Variants in GOLIM4 observed in about 807,000 individuals in gnomAD.
GOLIM4 encodes the protein golgi integral membrane protein 4.
A neutral mutation model predicts 107.4 loss-of-function variants in GOLIM4; 71 were observed. The ratio of observed to expected loss-of-function variants is 0.66; its 90% CI spans 0.55 to 0.81. The LOEUF is 0.81. Ranked by LOEUF, GOLIM4 falls within the 30% of genes least tolerant of loss-of-function variation. GOLIM4 has a pLI of 0.00. For missense variants in GOLIM4, 830 were observed against 826.1 expected (o/e 1.00, Z -0.06); for synonymous variants, 327 against 294.8 (o/e 1.11, Z -1.12).
rs1179093447 is a variant in GOLIM4 at position 168,009,564 on chromosome 3, C to T, written c.*705G>A. 1 of 152,038 alleles carries T rather than the reference C, an allele frequency of 6.6e-6. No homozygotes were observed. Among genetic ancestry groups the T allele is most frequent in the Non-Finnish European group, 1.5e-5 (1 of 68,008 alleles). 9.4% of individuals were successfully genotyped at this position (152,038 alleles called of 1,614,324 possible). A position where few individuals can be genotyped will look rare whatever the true frequency, so the allele number is the denominator to read the frequency against. On this transcript the variant is annotated 3_prime_UTR_variant, in exon 16 of 16. Transcript: ENST00000470487. The stretch of plus-strand genomic sequence containing the variant: ...GATGTGTCCATACCTTGTTTGAACA[C>T]TGCAATACCTGATTAAGACCAGGAT...
intron 1 of GOLIM4, among the ~76,000 whole-genome samples, chr3:168,087,668 G>A (rs1211768535): frequency 3.3e-5 from 5 of 152,126 alleles, no homozygotes; most frequent in Non-Finnish European, 7.3e-5. Context: ...ATACTGTCAT[G>A]AGAGACACTA....
intron 1 of GOLIM4, among the ~76,000 whole-genome samples, chr3:168,052,713 A>G (rs149519134): frequency 4.6e-5 from 7 of 152,212 alleles, no homozygotes; most frequent in Admixed American, 1.3e-4. Context: ...TTATCTAGCT[A>G]GGTTTACTGT....
Position 168,043,176 on chromosome 3 carries a change from C to T in GOLIM4, c.517+203G>A, listed in dbSNP as rs1231972049. On this transcript the variant is annotated intron_variant, in intron 5 of 15. Transcript: ENST00000470487. ...GAATACACTACGATACAACAGAACA[C>T]ACGACATATTCTATTCTGCTTCCCT... Among the ~76,000 whole-genome samples the T allele has an allele frequency of 3.3e-5, 5 of 152,146 alleles. No individual in the cohort carries two copies. The East Asian group carries it at 9.6e-4, about 29-fold the overall frequency.
intron 1 of GOLIM4, among the ~76,000 whole-genome samples, chr3:168,058,832 T>A (rs1720112969): frequency 6.6e-6 from 1 of 152,160 alleles, no homozygotes; most frequent in African/African-American, 2.4e-5. Context: ...ACTTAAGGAC[T>A]CACAGTAATA....
chr3:168,054,929 G>T (rs906347103), intron 1 of GOLIM4, among the ~76,000 whole-genome samples: 3 of 152,084 alleles, frequency 2.0e-5, no homozygotes, highest in African/African-American at 7.2e-5. Flanking sequence ...TTTTAAAAAG[G>T]GGAGTTTCCC....
chr3:168,059,741 AGG>A (rs1374590958), intron 1 of GOLIM4, among the ~76,000 whole-genome samples: 1 of 152,220 alleles, frequency 6.6e-6, no homozygotes, highest in Non-Finnish European at 1.5e-5. Flanking sequence ...AAGAGACTGG[AGG>A]CGTGGGGAGA....
At chr3:168,050,962 G>T (rs1271495512) in intron 1 of GOLIM4, among the ~76,000 whole-genome samples, 3 of 151,836 alleles carry the variant, frequency 2.0e-5, no homozygotes, top group African/African-American at 4.8e-5. Context: ...CATTATTGTA[G>T]AAGGTCAAGG....
In GOLIM4 at chr3:168,095,056, G is replaced by A. The variant is rs1458216868; in HGVS notation, c.187+43C>T. 7 of 1,511,210 alleles carry A rather than the reference G, an allele frequency of 4.6e-6. No homozygotes were observed. In the South Asian group the frequency reaches 8.2e-5, roughly 18 times the overall value. The allele number at this position is 1,511,210 out of a possible 1,614,324, so 93.6% of individuals were successfully genotyped here. A position where few individuals can be genotyped will look rare whatever the true frequency, so the allele number is the denominator to read the frequency against. On this transcript the variant is annotated intron_variant, in intron 1 of 15. Transcript: ENST00000470487. ...CTTTTCCTGCCCGGGTGGAGGCGCG[G>A]GGCAAAGTTGGCCACCGGCTGCGCG...
intron 1 of GOLIM4, 61 bp from the exon 2 acceptor site, chr3:168,048,426 A>G: frequency 1.3e-6 from 1 of 770,140 alleles, no homozygotes; most frequent in Non-Finnish European, 2.2e-6. Flanking sequence ...TAAAATTAAC[A>G]TCAATTTTTA....
intron 3 of GOLIM4, 44 bp from the exon 4 acceptor site, chr3:168,044,925 C>G (rs1719217595): frequency 8.8e-7 from 1 of 1,140,204 alleles, no homozygotes; most frequent in Non-Finnish European, 1.3e-6. Flanking sequence ...ATAAATATGG[C>G]TCTCTTGTTA....
rs757935278 is a variant in GOLIM4, at chr3:168,010,345, T to C, written c.2015A>G (p.His672Arg). The change falls in exon 16 of 16, where the codon CAC becomes CGC. Residue 672 changes from histidine (H) to arginine (R), a missense_variant. Transcript: ENST00000470487. ...TTCCTCCTCTTCTTCCTCCTCGTAG[T>C]GTTCCTCTCGGCCTTTGGGGCGGTT... ...DDNRPKGREEHYEEEEEEEED... is the reference protein window; with the variant it reads ...DDNRPKGREERYEEEEEEEED... 3.1e-6 allele frequency: 5 copies of C among 1,613,788 alleles called. No homozygotes were observed. The highest frequency in any genetic ancestry group is 4.5e-5 in the East Asian group (2 of 44,888).
At chr3:168,058,754 C>G (rs925490785) in intron 1 of GOLIM4, among the ~76,000 whole-genome samples, 8 of 152,130 alleles carry the variant, frequency 5.3e-5, no homozygotes, top group Non-Finnish European at 8.8e-5. Context: ...CATAAAAAGG[C>G]TGCACTCTAC....
At chr3:168,086,872 C>T (rs1412247430) in intron 1 of GOLIM4, among the ~76,000 whole-genome samples, 1 of 152,152 alleles carries the variant, frequency 6.6e-6, no homozygotes, top group Non-Finnish European at 1.5e-5. Flanking sequence ...TTTCTTCTCA[C>T]AGAGAAGAGG....
At chr3:168,079,208 A>T (rs1577572202) in intron 1 of GOLIM4, among the ~76,000 whole-genome samples, 5 of 152,328 alleles carry the variant, frequency 3.3e-5, no homozygotes, top group Admixed American at 2.0e-4. Flanking sequence ...AAATTGGGTA[A>T]GTTTTGATAG....
rs373872145 is a variant in GOLIM4 at position 168,062,967 on chromosome 3, T to C, written c.188-14602A>G. Among the ~76,000 whole-genome samples, 22 of 151,948 alleles carry C rather than the reference T, an allele frequency of 1.4e-4. No individual in the cohort carries two copies. In the East Asian group the frequency reaches 3.9e-3, roughly 27 times the overall value. The stretch of plus-strand genomic sequence containing the variant: ...TAGATATGTCTAATGCTTGATAGAG[T>C]TATCAAGATCAAAACAGAAGCTTAG... On this transcript the variant is annotated intron_variant, in intron 1 of 15. Coordinates refer to ENST00000470487, the MANE Select transcript of GOLIM4 (RefSeq NM_014498.5).
intron 1 of GOLIM4, among the ~76,000 whole-genome samples, chr3:168,079,891 G>A (rs73878633): frequency 0.014 from 2,066 of 151,932 alleles, 36 homozygotes; most frequent in African/African-American, 0.048. Context: ...TTCTTAAATA[G>A]ATATTTCAGA....
intron 14 of GOLIM4, among the ~76,000 whole-genome samples, chr3:168,011,084 T>C (rs181973820): frequency 7.9e-5 from 12 of 152,072 alleles, no homozygotes; most frequent in East Asian, 1.9e-4. Flanking sequence ...CAGCTCCCAG[T>C]GTGAGCGACG....
intron 13 of GOLIM4, 35 bp downstream of exon 13, chr3:168,024,893 A>G: frequency 6.4e-7 from 1 of 1,574,240 alleles, no homozygotes. Flanking sequence ...AAAATAGCCC[A>G]GTTAAATCCA....
chr3:168,034,111 G>C (rs1278105801), intron 8 of GOLIM4, among the ~76,000 whole-genome samples: 1 of 152,140 alleles, frequency 6.6e-6, no homozygotes, highest in Non-Finnish European at 1.5e-5. Context: ...GGGGAGAAAA[G>C]TCCTTTCTCA....
Sources: allele counts gnomAD v4.1 joint callset (sites outside exome capture counted in the v4.1 genomes callset), GRCh38; gene constraint gnomAD v4.1.1; transcripts MANE v1.5; gene names NCBI Gene and HGNC (gene_info 2026-07-23, HGNC 2026-07-21).